The following STT3B variants were observed in gnomAD, a reference collection of about 807,000 sequenced individuals.
The protein encoded by STT3B is STT3 oligosaccharyltransferase complex catalytic subunit B.
Under a neutral mutation model 96.8 loss-of-function variants are expected in STT3B, and 29 were observed. That is an observed-to-expected ratio of 0.30 (90% CI 0.22 to 0.41). The LOEUF (loss-of-function observed/expected upper bound fraction) is 0.41, where lower values mean the gene tolerates loss of function less well. Ranked by LOEUF, STT3B falls within the 10% of genes least tolerant of loss-of-function variation. STT3B has a pLI of 1.00. For missense variants in STT3B, 640 were observed against 1,022.3 expected, an observed-to-expected ratio of 0.63 and a Z score of 5.10; for synonymous variants, 367 against 360.0, an observed-to-expected ratio of 1.02 and a Z score of -0.22.
intron 1 of STT3B, among the ~76,000 whole-genome samples, chr3:31,569,810 G>C (rs1698096565): frequency 6.6e-6 from 1 of 152,042 alleles, no homozygotes; most frequent in Non-Finnish European, 1.5e-5. Flanking sequence ...TTGTGTGTGA[G>C]AGTATGTGTG....
At chr3:31,609,457 A>T (rs1176379072) in intron 5 of STT3B, among the ~76,000 whole-genome samples, 3 of 152,218 alleles carry the variant, frequency 2.0e-5, no homozygotes, top group Non-Finnish European at 4.4e-5. Context: ...ATATTATTTC[A>T]TTAAACATTG....
intron 1 of STT3B, among the ~76,000 whole-genome samples, chr3:31,570,458 C>A (rs1028101126): frequency 7.9e-5 from 12 of 152,068 alleles, no homozygotes; most frequent in Non-Finnish European, 1.2e-4. Flanking sequence ...AACTTCAGGT[C>A]TGAGATGATC....
In STT3B at chr3:31,594,854, C is replaced by T. The variant is rs145577213; in HGVS notation, c.712-1944C>T. 4.4e-3 allele frequency among the ~76,000 whole-genome samples: 666 copies of T among 152,272 alleles called. 3 individuals carry two copies. Among genetic ancestry groups the T allele is most frequent in the African/African-American group, 0.014 (581 of 41,552 alleles). ...CAGCCAGATGAAGAGATACGTAGGA[C>T]AAGATCTGGAAGAGTCCCAAGTGCA... On this transcript the variant is annotated intron_variant, in intron 3 of 15. Transcript: ENST00000295770.
chr3:31,608,957 A>C (rs868499587), intron 5 of STT3B, among the ~76,000 whole-genome samples: 10 of 152,126 alleles, frequency 6.6e-5, no homozygotes, highest in African/African-American at 2.2e-4. Flanking sequence ...TCTACTAAAA[A>C]TACAAAAATT....
At position 31,558,510 on chromosome 3, in the gene STT3B, C is replaced by T. The variant is rs144240213; in HGVS notation, c.315-17886C>T. Among the ~76,000 whole-genome samples the T allele has an allele frequency of 2.9e-4, 44 of 152,234 alleles. 1 individual carries two copies. The highest frequency in any genetic ancestry group is 9.1e-4 in the African/African-American group (38 of 41,546). ...ATCATATTTATTGATTTGTGTCTGT[C>T]GAATCATCCTTGCTTCCCTGGTATA... On this transcript the variant is annotated intron_variant, in intron 1 of 15. Transcript: ENST00000295770.
At chr3:31,550,225 G>A (rs1350768801) in intron 1 of STT3B, among the ~76,000 whole-genome samples, 1 of 152,206 alleles carries the variant, frequency 6.6e-6, no homozygotes, top group Non-Finnish European at 1.5e-5. Flanking sequence ...GTGTTTAAAA[G>A]TTTTGCCCTG....
chr3:31,616,831 A>G (rs1459480090), intron 6 of STT3B, 98 bp from the exon 7 acceptor site: 10 of 973,320 alleles, frequency 1.0e-5, no homozygotes, highest in African/African-American at 1.6e-5. Context: ...CTTTGATATG[A>G]ATGGTGCAGG....
At chr3:31,578,246 T>G (rs954955491) in intron 2 of STT3B, among the ~76,000 whole-genome samples, 1 of 152,150 alleles carries the variant, frequency 6.6e-6, no homozygotes, top group African/African-American at 2.4e-5. Flanking sequence ...CTGTGTTGGG[T>G]GAAACCCCCT....
Position 31,630,803 on chromosome 3 carries a change from T to G in STT3B, c.2187+1392T>G, listed in dbSNP as rs9882324. On this transcript the variant is annotated intron_variant, in intron 14 of 15. Coordinates refer to ENST00000295770, the MANE Select transcript of STT3B (RefSeq NM_178862.3). ...CCGTGTTTTTTTGTGGTGTTTTTTT[T>G]GTTTTTTTTTTGAGAGGGAGTCTCG... 1.2e-3 allele frequency among the ~76,000 whole-genome samples: 167 copies of G among 141,882 alleles called. 2 individuals carry two copies. Among genetic ancestry groups the G allele is most frequent in the Middle Eastern group, 7.2e-3 (2 of 276 alleles). The allele number at this position is 141,882 out of a possible 152,430, so 93.1% of individuals were successfully genotyped here.
At chr3:31,576,618 T>G (rs1352831995) in intron 2 of STT3B, 114 bp downstream of exon 2, 6 of 548,152 alleles carry the variant, frequency 1.1e-5, no homozygotes, top group Non-Finnish European at 1.8e-5. Context: ...TAACAAATTT[T>G]TCTGTGGCTT....
At chr3:31,607,282 T>C (rs1406002015) in intron 5 of STT3B, among the ~76,000 whole-genome samples, 1 of 152,098 alleles carries the variant, frequency 6.6e-6, no homozygotes, top group Admixed American at 6.5e-5. Context: ...GGTTTTGAAA[T>C]GTGAGGACAT....
At position 31,576,483 on chromosome 3, in the gene STT3B, A is replaced by G. The variant is rs757854396; in HGVS notation, c.402A>G (p.Leu134=). The G allele has an allele frequency of 1.3e-5, 20 of 1,585,384 alleles. No homozygotes were observed. Among genetic ancestry groups the G allele is most frequent in the Non-Finnish European group, 1.6e-5 (18 of 1,159,098 alleles). Reference sequence around the variant, plus strand: ...TTGATGAAAGAGCATGGTATCCACTAGGAAGAATAGTAGGTGGTACTGTAA... The same window carrying G: ...TTGATGAAAGAGCATGGTATCCACTGGGAAGAATAGTAGGTGGTACTGTAA... The part of the protein sequence containing the change: ...NWFDERAWYP[L]GRIVGGTVYP... The change falls in exon 2 of 16, where the codon CTA becomes CTG. Residue 134 remains leucine (L), a synonymous_variant. Transcript: ENST00000295770.
At chr3:31,533,350 C>A in intron 1 of STT3B, 38 bp downstream of exon 1, 1 of 1,446,864 alleles carries the variant, frequency 6.9e-7, no homozygotes, top group Admixed American at 2.4e-5. Flanking sequence ...CCGTGGCCCG[C>A]GGGGAACCGG....
chr3:31,617,869 C>A, intron 7 of STT3B, 71 bp from the exon 8 acceptor site: 2 of 1,050,052 alleles, frequency 1.9e-6, no homozygotes, highest in Non-Finnish European at 3.0e-6. Context: ...TAGCAATAAA[C>A]ATAAAGGCAA....
intron 9 of STT3B, among the ~76,000 whole-genome samples, chr3:31,621,665 C>G (rs1425539055): frequency 1.3e-5 from 2 of 152,066 alleles, no homozygotes; most frequent in Non-Finnish European, 2.9e-5. Context: ...AACTTACGTT[C>G]TTCTCATCCC....
At chr3:31,635,114 T>C (rs1032064228) in intron 15 of STT3B, among the ~76,000 whole-genome samples, 1 of 152,204 alleles carries the variant, frequency 6.6e-6, no homozygotes, top group African/African-American at 2.4e-5. Context: ...TATTTAAATG[T>C]GAAAATTGAA....
chr3:31,544,355 A>G (rs890414770), intron 1 of STT3B, among the ~76,000 whole-genome samples: 2 of 152,232 alleles, frequency 1.3e-5, no homozygotes, highest in Non-Finnish European at 2.9e-5. Context: ...CAATGGAAAT[A>G]GCTTTGTTCT....
At chr3:31,603,792 A>G (rs2125465302) in intron 5 of STT3B, among the ~76,000 whole-genome samples, 1 of 152,304 alleles carries the variant, frequency 6.6e-6, no homozygotes, top group South Asian at 2.1e-4. Flanking sequence ...TTTTAATTGC[A>G]GTGTTGCCAT....
chr3:31,620,722 A>G (rs2125474978), intron 9 of STT3B, among the ~76,000 whole-genome samples: 1 of 152,370 alleles, frequency 6.6e-6, no homozygotes, highest in African/African-American at 2.4e-5. Flanking sequence ...GTTTTGTATG[A>G]GATAAAAACT....
Sources: allele counts gnomAD v4.1 joint callset (sites outside exome capture counted in the v4.1 genomes callset), GRCh38; gene constraint gnomAD v4.1.1; transcripts MANE v1.5; gene names NCBI Gene and HGNC (gene_info 2026-07-23, HGNC 2026-07-21).